The following CDK3 variants were observed in gnomAD, a reference collection of about 807,000 sequenced individuals.
CDK3 encodes cyclin-dependent kinase 3.
A neutral mutation model predicts 30.2 loss-of-function variants in CDK3; 24 were observed. The observed-to-expected ratio is 0.79, with a 90% CI of 0.57 to 1.12. The LOEUF (loss-of-function observed/expected upper bound fraction) is 1.12. Among genes scored for constraint, CDK3 ranks in the 50% most tolerant of loss-of-function variants. The pLI, the probability that CDK3 is intolerant of heterozygous loss-of-function variation, is 0.00. For missense variants in CDK3, 345 were observed against 376.0 expected, an observed-to-expected ratio of 0.92 and a Z score of 0.68; for synonymous variants, 158 against 154.2, an observed-to-expected ratio of 1.02 and a Z score of -0.18.
chr17:76,001,455 C>T lies in CDK3; in HGVS notation c.30C>T (p.Ile10=), dbSNP rs201970325. The T allele has an allele frequency of 5.0e-5, 80 of 1,613,934 alleles. No individual in the cohort carries two copies. The highest frequency in any genetic ancestry group is 6.7e-5 in the African/African-American group (5 of 74,918). Residue 10 remains isoleucine (I), a synonymous_variant, in exon 2 of 8, where the codon ATC becomes ATT. Coordinates refer to ENST00000448471, the MANE Select transcript of CDK3 (RefSeq NM_001258.4). The surrounding 1 kb of genome is among the most constrained non-coding windows in gnomAD (Gnocchi z 6.2). ...ATATGTTCCAGAAGGTAGAGAAGAT[C>T]GGAGAGGGCACCTATGGGGTGGTGT... The part of the protein sequence containing the change: MDMFQKVEK[I]GEGTYGVVYK...
rs1372155483 is a variant in CDK3 at position 76,001,826 on chromosome 17, C to T, written c.117-48C>T. The T allele has an allele frequency of 1.9e-6, 3 of 1,574,200 alleles. No homozygotes were observed. The highest frequency in any genetic ancestry group is 2.6e-6 in the Non-Finnish European group (3 of 1,150,472). On this transcript the variant is annotated intron_variant, in intron 2 of 7. Coordinates refer to ENST00000448471, the MANE Select transcript of CDK3 (RefSeq NM_001258.4). This position sits in a 1 kb window ranked among gnomAD's most constrained non-coding sequence, Gnocchi z 6.2. ...GCCGATCCCCCTGGCTGGAAGTGCC[C>T]TTCTTGGCCCAAGTCTCTGCCCACG...
chr17:76,001,343 T>C lies in CDK3; in HGVS notation c.-14-69T>C, dbSNP rs747372261. On this transcript the variant is annotated intron_variant, in intron 1 of 7. Transcript: ENST00000448471. The surrounding 1 kb of genome is among the most constrained non-coding windows in gnomAD (Gnocchi z 6.2). ...GGGCTGGGCTGGGCAGGGCGCCACA[T>C]GGAAGCTGGAGGAGCAACGGGAGCG... 2.5e-6 allele frequency: 4 copies of C among 1,598,562 alleles called. No individual in the cohort carries two copies. Among genetic ancestry groups the C allele is most frequent in the African/African-American group, 2.7e-5 (2 of 74,578 alleles).
Position 76,005,648 on chromosome 17 carries a change from A to G in CDK3, c.*225A>G, listed in dbSNP as rs2069539. ...TTCAAAATAGAGGCACAGATGCTCC[A>G]TGCACGAGGGGTCCCCGGGCACTGG... On this transcript the variant is annotated 3_prime_UTR_variant, in exon 8 of 8. Coordinates refer to ENST00000448471, the MANE Select transcript of CDK3 (RefSeq NM_001258.4). The surrounding 1 kb of genome is among the most constrained non-coding windows in gnomAD (Gnocchi z 4.7). 0.02 allele frequency: 9,803 copies of G among 500,372 alleles called. 775 individuals carry two copies. Among genetic ancestry groups the G allele is most frequent in the African/African-American group, 0.17 (8,744 of 51,202 alleles). 31.0% of individuals were successfully genotyped at this position (500,372 alleles called of 1,614,324 possible).
At position 76,001,180 on chromosome 17, in the gene CDK3, G is replaced by A. The variant is rs868173164; in HGVS notation, c.-15+213G>A. ...TCCTGGCTGAACTGGGCTGGGTGAA[G>A]GGGGCCCCCTGACCCCCTTGGGGTC... On this transcript the variant is annotated intron_variant, in intron 1 of 7. Coordinates refer to ENST00000448471, the MANE Select transcript of CDK3 (RefSeq NM_001258.4). The surrounding 1 kb of genome is among the most constrained non-coding windows in gnomAD (Gnocchi z 6.2). 7.4e-7 allele frequency: 1 copy of A among 1,357,186 alleles called. No homozygotes were observed. The highest frequency in any genetic ancestry group is 3.1e-5 in the East Asian group (1 of 32,650). 84.1% of individuals were successfully genotyped at this position (1,357,186 alleles called of 1,614,324 possible).
At chr17:76,004,074 C>G (rs1216040725) in intron 7 of CDK3, among the ~76,000 whole-genome samples, 1 of 152,058 alleles carries the variant, frequency 6.6e-6, no homozygotes, top group Non-Finnish European at 1.5e-5. Context: ...CTGGCTGTTC[C>G]CCTGTGACTC....
Position 76,005,820 on chromosome 17 carries a change from G to C in CDK3, c.*397G>C, listed in dbSNP as rs1278458586. On this transcript the variant is annotated 3_prime_UTR_variant, in exon 8 of 8. Coordinates refer to ENST00000448471, the MANE Select transcript of CDK3 (RefSeq NM_001258.4). This position sits in a 1 kb window ranked among gnomAD's most constrained non-coding sequence, Gnocchi z 4.7. ...ATTTAAAATGTTTGGGGGAAGAGTT[G>C]AGTTCCAGTTCAGTCCCAAGTTAAA... 5.7e-6 allele frequency: 1 copy of C among 176,188 alleles called. No individual in the cohort carries two copies. The highest frequency in any genetic ancestry group is 2.4e-5 in the African/African-American group (1 of 42,234). The allele number at this position is 176,188 out of a possible 1,614,324, so 10.9% of individuals were successfully genotyped here.
chr17:76,005,585 C>G lies in CDK3; in HGVS notation c.*162C>G. 2.5e-6 allele frequency: 2 copies of G among 803,774 alleles called. No homozygotes were observed. The highest frequency in any genetic ancestry group is 1.9e-5 in the South Asian group (1 of 52,340). 49.8% of individuals were successfully genotyped at this position (803,774 alleles called of 1,614,324 possible). A position where few individuals can be genotyped will look rare whatever the true frequency, so the allele number is the denominator to read the frequency against. On this transcript the variant is annotated 3_prime_UTR_variant, in exon 8 of 8. Coordinates refer to ENST00000448471, the MANE Select transcript of CDK3 (RefSeq NM_001258.4). This position sits in a 1 kb window ranked among gnomAD's most constrained non-coding sequence, Gnocchi z 4.7. ...TGGGTTAGTCCTGCCCGCAGGTTAG[C>G]GAGATCCTGTGTTGTTTTTTGGGTT...
In CDK3 at chr17:76,001,042, G is replaced by C; in HGVS notation, c.-15+75G>C. On this transcript the variant is annotated intron_variant, in intron 1 of 7. Transcript: ENST00000448471. This position sits in a 1 kb window ranked among gnomAD's most constrained non-coding sequence, Gnocchi z 6.2. ...TGGGGGTCCATGTTGGGCTGGGCTG[G>C]GCGAGGGGTGGTCTCTGACTTCCTG... 1 of 1,157,810 alleles carries C rather than the reference G, an allele frequency of 8.6e-7. No individual in the cohort carries two copies. The highest frequency in any genetic ancestry group is 1.1e-6 in the Non-Finnish European group (1 of 928,374). 71.7% of individuals were successfully genotyped at this position (1,157,810 alleles called of 1,614,324 possible).
Position 76,001,856 on chromosome 17 carries a change from T to G in CDK3, c.117-18T>G. 1 of 1,610,400 alleles carries G rather than the reference T, an allele frequency of 6.2e-7. No homozygotes were observed. The highest frequency in any genetic ancestry group is 8.5e-7 in the Non-Finnish European group (1 of 1,177,172). On this transcript the variant is annotated intron_variant, in intron 2 of 7. Transcript: ENST00000448471. This position sits in a 1 kb window ranked among gnomAD's most constrained non-coding sequence, Gnocchi z 6.2. ...TGGCCCAAGTCTCTGCCCACGGCTGTGCCCTTGTTTCTTGCAGGGAGATGG... is the reference window on the plus strand; with the variant it reads ...TGGCCCAAGTCTCTGCCCACGGCTGGGCCCTTGTTTCTTGCAGGGAGATGG...
rs2066278980 is a variant in CDK3, at chr17:76,003,339, AG to A, written c.735del (p.Lys246ArgfsTer95). ...TAAGGGCAGCTTCCCTAAGTGGACCAGGAAGGGACTGGAAGAGATTGTGCCC... is the reference window on the plus strand; with the variant it reads ...TAAGGGCAGCTTCCCTAAGTGGACCAGAAGGGACTGGAAGAGATTGTGCCC... Reference protein sequence around the residue: ...DYKGSFPKWTRKGLEEIVPNL... With the variant: ...DYKGSFPKWTXKGLEEIVPNL... On this transcript the variant is annotated frameshift_variant, in exon 7 of 8. Transcript: ENST00000448471. LOFTEE classifies it high-confidence loss of function. 2 of 1,614,182 alleles carry A rather than the reference AG, an allele frequency of 1.2e-6. No homozygotes were observed. Among genetic ancestry groups the A allele is most frequent in the Non-Finnish European group, 1.7e-6 (2 of 1,180,032 alleles).
Position 76,005,205 on chromosome 17 carries a change from G to A in CDK3, c.793-93G>A. ...TCTGGGTTTGAGGGCAGCCAATTTG[G>A]GGCCCAGGCCCTTGATCTGGGACCT... On this transcript the variant is annotated intron_variant, in intron 7 of 7. Coordinates refer to ENST00000448471, the MANE Select transcript of CDK3 (RefSeq NM_001258.4). The surrounding 1 kb of genome is among the most constrained non-coding windows in gnomAD (Gnocchi z 4.7). 2 of 1,498,128 alleles carry A rather than the reference G, an allele frequency of 1.3e-6. No homozygotes were observed. Among genetic ancestry groups the A allele is most frequent in the East Asian group, 2.3e-5 (1 of 42,936 alleles). The allele number at this position is 1,498,128 out of a possible 1,614,324, so 92.8% of individuals were successfully genotyped here.
chr17:76,002,367 C>G lies in CDK3; in HGVS notation c.435C>G (p.Asp145Glu). 6.2e-7 allele frequency: 1 copy of G among 1,612,854 alleles called. No individual in the cohort carries two copies. The highest frequency in any genetic ancestry group is 8.5e-7 in the Non-Finnish European group (1 of 1,180,008). The change falls in exon 5 of 8, where the codon GAC (aspartate) becomes GAG (glutamate). Residue 145 changes from aspartate to glutamate, a missense_variant. Physicochemically the swap from Asp to Glu is conservative, Grantham distance 45 (BLOSUM62 2). Transcript: ENST00000448471. The surrounding 1 kb of genome is among the most constrained non-coding windows in gnomAD (Gnocchi z 4.3). ...AGTTGGGTGCCATCAAGCTGGCTGACTTCGGCCTGGCTCGCGCCTTCGGGG... is the reference window on the plus strand; with the variant it reads ...AGTTGGGTGCCATCAAGCTGGCTGAGTTCGGCCTGGCTCGCGCCTTCGGGG... ...INELGAIKLA[D>E]FGLARAFGVP... is the part of the protein sequence containing the mutation.
Position 76,002,221 on chromosome 17 carries a change from G to A in CDK3, c.316-27G>A, listed in dbSNP as rs2066266923. ...GTCCACGCAGCACCTCCGCTCAGCT[G>A]GCTGCACCTCGCGCTCGTTTCTCCA... On this transcript the variant is annotated intron_variant, in intron 4 of 7. Coordinates refer to ENST00000448471, the MANE Select transcript of CDK3 (RefSeq NM_001258.4). The surrounding 1 kb of genome is among the most constrained non-coding windows in gnomAD (Gnocchi z 4.3). The A allele has an allele frequency of 1.9e-6, 3 of 1,612,482 alleles. No homozygotes were observed. The highest frequency in any genetic ancestry group is 1.6e-4 in the Middle Eastern group (1 of 6,078).
In CDK3 at chr17:76,005,294, C is replaced by T. The variant is rs1300198245; in HGVS notation, c.793-4C>T. 3 of 1,613,378 alleles carry T rather than the reference C, an allele frequency of 1.9e-6. No homozygotes were observed. In the East Asian group the frequency reaches 6.7e-5, roughly 36 times the overall value. ...ACCACATCTTCTTCCTTCTTTCTTC[C>T]TAGCAACTCCTGCAGTATGACCCCA... On this transcript the variant is annotated splice_polypyrimidine_tract_variant and splice_region_variant and intron_variant, in intron 7 of 7. Coordinates refer to ENST00000448471, the MANE Select transcript of CDK3 (RefSeq NM_001258.4). The surrounding 1 kb of genome is among the most constrained non-coding windows in gnomAD (Gnocchi z 4.7).
chr17:76,003,430 G>T, intron 7 of CDK3, 32 bp downstream of exon 7: 1 of 1,574,332 alleles, frequency 6.4e-7, no homozygotes, highest in South Asian at 1.1e-5. Context: ...CTGCTGCTCC[G>T]ACTACAGTTT....
rs766292284 is a variant in CDK3 at position 76,001,382 on chromosome 17, G to A, written c.-14-30G>A. 7 of 1,613,156 alleles carry A rather than the reference G, an allele frequency of 4.3e-6. No individual in the cohort carries two copies. Among genetic ancestry groups the A allele is most frequent in the South Asian group, 3.3e-5 (3 of 91,050 alleles). On this transcript the variant is annotated intron_variant, in intron 1 of 7. Transcript: ENST00000448471. The surrounding 1 kb of genome is among the most constrained non-coding windows in gnomAD (Gnocchi z 6.2). ...GCAACGGGAGCGCTGGGCGTGGGGTGCAAATTGCCCGGTGCCTTCTGTTTC... is the reference window on the plus strand; with the variant it reads ...GCAACGGGAGCGCTGGGCGTGGGGTACAAATTGCCCGGTGCCTTCTGTTTC...
chr17:76,003,211 T>C lies in CDK3; in HGVS notation c.605T>C (p.Leu202Pro), dbSNP rs1489962494. Residue 202 changes from leucine to proline, a missense_variant, in exon 7 of 8, where the codon CTG becomes CCG. Coordinates refer to ENST00000448471, the MANE Select transcript of CDK3 (RefSeq NM_001258.4). ...CCATTTCAGGTGACTCGAAAAGCCC[T>C]GTTTCCTGGTGACTCTGAGATTGAC... ...IFAEMVTRKALFPGDSEIDQL... is the reference protein window; with the variant it reads ...IFAEMVTRKAPFPGDSEIDQL... 36 of 1,614,056 alleles carry C rather than the reference T, an allele frequency of 2.2e-5. No homozygotes were observed. Among genetic ancestry groups the C allele is most frequent in the Non-Finnish European group, 2.9e-5 (34 of 1,180,024 alleles).
At position 76,002,863 on chromosome 17, in the gene CDK3, G is replaced by T; in HGVS notation, c.588+251G>T. The T allele has an allele frequency of 3.7e-6, 2 of 544,800 alleles. No homozygotes were observed. Among genetic ancestry groups the T allele is most frequent in the Admixed American group, 3.2e-5 (1 of 31,322 alleles). The allele number at this position is 544,800 out of a possible 1,614,324, so 33.7% of individuals were successfully genotyped here. Reference sequence around the variant, plus strand: ...AAACTACAAAAATTAGCTGGGTGTGGTGGTGCATGCTTGTAGTCCCAGCTA... The same window carrying T: ...AAACTACAAAAATTAGCTGGGTGTGTTGGTGCATGCTTGTAGTCCCAGCTA... On this transcript the variant is annotated intron_variant, in intron 6 of 7. Coordinates refer to ENST00000448471, the MANE Select transcript of CDK3 (RefSeq NM_001258.4). The surrounding 1 kb of genome is among the most constrained non-coding windows in gnomAD (Gnocchi z 4.3).
chr17:76,003,445 T>A (rs2066280075), intron 7 of CDK3, 47 bp downstream of exon 7: 1 of 1,516,868 alleles, frequency 6.6e-7, no homozygotes, highest in East Asian at 2.3e-5. Flanking sequence ...CAGTTTCCCC[T>A]CATCAGCCAG....
Sources: allele counts gnomAD v4.1 joint callset (sites outside exome capture counted in the v4.1 genomes callset), GRCh38; gene constraint gnomAD v4.1.1; non-coding constraint Gnocchi (gnomAD v3.1); transcripts MANE v1.5; gene names NCBI Gene and HGNC (gene_info 2026-07-23, HGNC 2026-07-21).